ZNF264: variants seen among roughly 807,000 people sequenced by gnomAD.
ZNF264 encodes zinc finger protein 264.
A neutral mutation model predicts 11.2 loss-of-function variants in ZNF264; 11 were observed. That is an observed-to-expected ratio of 0.98 (90% CI 0.62 to 1.63). ZNF264 has a LOEUF of 1.63. ZNF264 is among the 40% of genes most tolerant of loss of function. The pLI is 0.00. For missense variants in ZNF264, 752 were observed against 768.1 expected, an observed-to-expected ratio of 0.98 and a Z score of 0.25; for synonymous variants, 309 against 279.8, an observed-to-expected ratio of 1.10 and a Z score of -1.04.
rs773497707 is a variant in ZNF264, at chr19:57,212,900, A to G, written c.1803A>G (p.Ala601=). The change falls in exon 4 of 4, where the codon GCA becomes GCG. Residue 601 remains alanine, a synonymous_variant. Transcript: ENST00000263095. ...GKDFLNVTTE[A]NILPEETSSS... ...ACTTTTTGAATGTAACCACTGAGGCAAATATTTTGCCAGAGGAAACATCTT... is the reference window on the plus strand; with the variant it reads ...ACTTTTTGAATGTAACCACTGAGGCGAATATTTTGCCAGAGGAAACATCTT... 1 of 1,614,190 alleles carries G rather than the reference A, an allele frequency of 6.2e-7. No individual in the cohort carries two copies. The highest frequency in any genetic ancestry group is 8.5e-7 in the Non-Finnish European group (1 of 1,180,022).
rs984338303 is a variant in ZNF264, at chr19:57,209,754, T to C, written c.257-1600T>C. On this transcript the variant is annotated intron_variant, in intron 3 of 3. Coordinates refer to ENST00000263095, the MANE Select transcript of ZNF264 (RefSeq NM_003417.5). ...CCACCATGCCTGGCTAATGTGTTTT[T>C]AGTTTTGTTTTTAAAAAATTTTTTT... Among the ~76,000 whole-genome samples, 4 of 152,078 alleles carry C rather than the reference T, an allele frequency of 2.6e-5. 1 individual carries two copies. Among genetic ancestry groups the C allele is most frequent in the Admixed American group, 1.3e-4 (2 of 15,268 alleles).
At position 57,220,106 on chromosome 19, in the gene ZNF264, T is replaced by C. The variant is rs191927829; in HGVS notation, c.*7125T>C. 3.3e-5 allele frequency: 5 copies of C among 152,374 alleles called. No individual in the cohort carries two copies. Among genetic ancestry groups the C allele is most frequent in the Non-Finnish European group, 5.9e-5 (4 of 68,036 alleles). 9.4% of individuals were successfully genotyped at this position (152,374 alleles called of 1,614,324 possible). ...GAATTTGCCCAAGGTTACACAGTTA[T>C]GAAGTTTGGATTTAGGAATGGGAGG... On this transcript the variant is annotated 3_prime_UTR_variant, in exon 4 of 4. Coordinates refer to ENST00000263095, the MANE Select transcript of ZNF264 (RefSeq NM_003417.5).
chr19:57,214,100 C>A lies in ZNF264; in HGVS notation c.*1119C>A, dbSNP rs915835389. 6.6e-6 allele frequency: 1 copy of A among 152,088 alleles called. No individual in the cohort carries two copies. The highest frequency in any genetic ancestry group is 2.4e-5 in the African/African-American group (1 of 41,416). 9.4% of individuals were successfully genotyped at this position (152,088 alleles called of 1,614,324 possible). A position where few individuals can be genotyped will look rare whatever the true frequency, so the allele number is the denominator to read the frequency against. On this transcript the variant is annotated 3_prime_UTR_variant, in exon 4 of 4. Transcript: ENST00000263095. ...TGCTACCCTGCAACCTTATTGAGTT[C>A]ACTTATTATTTTTAGCTATTTCTTT...
At chr19:57,200,901 C>G (rs913605591) in intron 2 of ZNF264, among the ~76,000 whole-genome samples, 1 of 151,948 alleles carries the variant, frequency 6.6e-6, no homozygotes, top group African/African-American at 2.4e-5. Context: ...CGTGAGCCAC[C>G]ACACCCACCC....
chr19:57,198,005 G>T (rs1015511152), intron 2 of ZNF264, among the ~76,000 whole-genome samples: 1 of 151,996 alleles, frequency 6.6e-6, no homozygotes, highest in Admixed American at 6.5e-5. Flanking sequence ...AGCGATCAAG[G>T]TCTCTCTGAA....
At chr19:57,192,895 C>T (rs999530416) in intron 1 of ZNF264, among the ~76,000 whole-genome samples, 1 of 103,722 alleles carries the variant, frequency 9.6e-6, no homozygotes, top group Non-Finnish European at 1.9e-5. Flanking sequence ...CCACACCTGA[C>T]TGATTTTTGT....
chr19:57,210,741 G>C (rs1207837763), intron 3 of ZNF264, among the ~76,000 whole-genome samples: 1 of 152,154 alleles, frequency 6.6e-6, no homozygotes, highest in African/African-American at 2.4e-5. Flanking sequence ...TAATCACGTG[G>C]TTTAGCTTTC....
At position 57,222,631 on chromosome 19, in the gene ZNF264, ACTTGCAGGTACTCC is replaced by A. The variant is rs1471154193; in HGVS notation, c.*9654_*9667del. The A allele has an allele frequency of 6.6e-6, 1 of 151,970 alleles. No individual in the cohort carries two copies. The highest frequency in any genetic ancestry group is 1.5e-5 in the Non-Finnish European group (1 of 68,034). 9.4% of individuals were successfully genotyped at this position (151,970 alleles called of 1,614,324 possible). A position where few individuals can be genotyped will look rare whatever the true frequency, so the allele number is the denominator to read the frequency against. ...TATATATATGGCTATAAGTGGTGCG[ACTTGCAGGTACTCC>A]CTTTGTTCACCTTTGTAAAGATGTT... On this transcript the variant is annotated 3_prime_UTR_variant, in exon 4 of 4. Transcript: ENST00000263095.
chr19:57,212,727 T>C lies in ZNF264; in HGVS notation c.1630T>C (p.Cys544Arg). 1 of 1,614,224 alleles carries C rather than the reference T, an allele frequency of 6.2e-7. No individual in the cohort carries two copies. Among genetic ancestry groups the C allele is most frequent in the Non-Finnish European group, 8.5e-7 (1 of 1,180,034 alleles). The change falls in exon 4 of 4, where the codon TGT becomes CGT. Residue 544 changes from cysteine (C) to arginine (R), a missense_variant. Coordinates refer to ENST00000263095, the MANE Select transcript of ZNF264 (RefSeq NM_003417.5). Reference sequence around the variant, plus strand: ...AGAGAAGCCCTATAAATGTAGTGAATGTGGAAAGGCCTTCAGTCGCAGCTC... The same window carrying C: ...AGAGAAGCCCTATAAATGTAGTGAACGTGGAAAGGCCTTCAGTCGCAGCTC... ...TGEKPYKCSE[C>R]GKAFSRSSSL...
At chr19:57,198,707 G>T (rs969774051) in intron 2 of ZNF264, among the ~76,000 whole-genome samples, 1 of 151,872 alleles carries the variant, frequency 6.6e-6, no homozygotes, top group Non-Finnish European at 1.5e-5. Context: ...ATCAGCGTCA[G>T]CTCGGAGCCA....
At chr19:57,192,115 G>T (rs2087178102) in intron 1 of ZNF264, among the ~76,000 whole-genome samples, 169 bp downstream of exon 1, 2 of 152,122 alleles carry the variant, frequency 1.3e-5, no homozygotes, top group Non-Finnish European at 2.9e-5. Flanking sequence ...AGGAGTGTTG[G>T]GCCTACTGGA....
Position 57,211,546 on chromosome 19 carries a change from C to T in ZNF264, c.449C>T (p.Ser150Phe). 2 of 1,614,028 alleles carry T rather than the reference C, an allele frequency of 1.2e-6. No individual in the cohort carries two copies. Among genetic ancestry groups the T allele is most frequent in the South Asian group, 1.1e-5 (1 of 91,080 alleles). Residue 150 changes from serine (S) to phenylalanine (F), a missense_variant, in exon 4 of 4, where the codon TCT (serine) becomes TTT (phenylalanine). Physicochemically the swap from Ser to Phe is radical, Grantham distance 155. Coordinates refer to ENST00000263095, the MANE Select transcript of ZNF264 (RefSeq NM_003417.5). ...FRPGIDPQEK[S>F]PGKMSPECDG... is the part of the protein sequence containing the mutation. ...CCAGGAATAGATCCCCAGGAGAAGT[C>T]TCCTGGGAAGATGAGCCCTGAATGT...
In ZNF264 at chr19:57,219,854, A is replaced by G. The variant is rs1314001860; in HGVS notation, c.*6873A>G. 6.6e-6 allele frequency: 1 copy of G among 152,214 alleles called. No individual in the cohort carries two copies. Among genetic ancestry groups the G allele is most frequent in the Non-Finnish European group, 1.5e-5 (1 of 68,042 alleles). 9.4% of individuals were successfully genotyped at this position (152,214 alleles called of 1,614,324 possible). A position where few individuals can be genotyped will look rare whatever the true frequency, so the allele number is the denominator to read the frequency against. On this transcript the variant is annotated 3_prime_UTR_variant, in exon 4 of 4. Coordinates refer to ENST00000263095, the MANE Select transcript of ZNF264 (RefSeq NM_003417.5). ...TGGGCATCTTCTGCACTTTCTCTGCATTTGTAAACACTGAGCCTGTATGCG... is the reference window on the plus strand; with the variant it reads ...TGGGCATCTTCTGCACTTTCTCTGCGTTTGTAAACACTGAGCCTGTATGCG...
intron 2 of ZNF264, among the ~76,000 whole-genome samples, chr19:57,203,619 T>C (rs931423772): frequency 1.1e-4 from 16 of 152,276 alleles, no homozygotes; most frequent in African/African-American, 3.4e-4. Flanking sequence ...TAGATACTAT[T>C]TGATGTTTCT....
chr19:57,204,789 C>G (rs2087279564), intron 2 of ZNF264, among the ~76,000 whole-genome samples: 1 of 152,184 alleles, frequency 6.6e-6, no homozygotes, highest in South Asian at 2.1e-4. Context: ...TCATCCTCAT[C>G]AAGATCACTG....
intron 2 of ZNF264, among the ~76,000 whole-genome samples, chr19:57,200,965 A>G (rs924514227): frequency 6.6e-6 from 1 of 151,922 alleles, no homozygotes; most frequent in African/African-American, 2.4e-5. Flanking sequence ...TGTGCTATAT[A>G]TAATTACCAT....
In ZNF264 at chr19:57,220,305, A is replaced by T. The variant is rs1415255384; in HGVS notation, c.*7324A>T. ...TCTTCAACTTGAGGAAGGTAAACCA[A>T]AGCCACTCTTTAATGGGTGCAAATA... On this transcript the variant is annotated 3_prime_UTR_variant, in exon 4 of 4. Transcript: ENST00000263095. 2 of 152,252 alleles carry T rather than the reference A, an allele frequency of 1.3e-5. No individual in the cohort carries two copies. The highest frequency in any genetic ancestry group is 4.8e-5 in the African/African-American group (2 of 41,464). 9.4% of individuals were successfully genotyped at this position (152,252 alleles called of 1,614,324 possible).
chr19:57,202,890 C>T (rs1246890295), intron 2 of ZNF264, among the ~76,000 whole-genome samples: 1 of 149,438 alleles, frequency 6.7e-6, no homozygotes, highest in Non-Finnish European at 1.5e-5. Context: ...GACTGGAGTG[C>T]AGGGTGGGGC....
Position 57,212,370 on chromosome 19 carries a change from A to T in ZNF264, c.1273A>T (p.Lys425Ter). The change falls in exon 4 of 4, where the codon AAG becomes TAG. Residue 425 changes from lysine (K) to a stop codon, truncating the protein, a stop_gained. Coordinates refer to ENST00000263095, the MANE Select transcript of ZNF264 (RefSeq NM_003417.5). LOFTEE classifies it low-confidence loss of function (END_TRUNC). ...GCACCAGCGGATTCACACTGGGGAGAAGCCCTTCGTGTGCAGTGAATGTGG... is the reference window on the plus strand; with the variant it reads ...GCACCAGCGGATTCACACTGGGGAGTAGCCCTTCGTGTGCAGTGAATGTGG... ...KRHQRIHTGE[K>*]PFVCSECGKA... is the part of the protein sequence containing the mutation. 1 of 1,614,028 alleles carries T rather than the reference A, an allele frequency of 6.2e-7. No individual in the cohort carries two copies. The highest frequency in any genetic ancestry group is 8.5e-7 in the Non-Finnish European group (1 of 1,180,008).
Sources: gnomAD v4.1 joint callset for allele counts (sites outside exome capture counted in the v4.1 genomes callset) on GRCh38, gnomAD v4.1.1 for gene constraint, MANE v1.5 for transcripts, NCBI Gene and HGNC (gene_info 2026-07-23, HGNC 2026-07-21) for gene names.